The following SMARCD3 variants were observed in gnomAD, a reference collection of about 807,000 sequenced individuals.
SMARCD3 encodes the protein SWI/SNF related BAF chromatin remodeling complex subunit D3.
In SMARCD3, 14 loss-of-function variants were observed where a neutral mutation model predicts 58.0. The observed-to-expected ratio is 0.24, with a 90% CI of 0.16 to 0.38. The LOEUF is 0.38. Ranked by LOEUF, SMARCD3 falls within the 10% of genes least tolerant of loss-of-function variation. The pLI, the probability that SMARCD3 is intolerant of heterozygous loss-of-function variation, is 1.00. For synonymous variants in SMARCD3, 253 were observed against 253.8 expected, an observed-to-expected ratio of 1.00 and a Z score of 0.03; for missense variants, 408 against 636.9, an observed-to-expected ratio of 0.64 and a Z score of 3.87.
chr7:151,265,538 C>T (rs1804053598), intron 2 of SMARCD3, among the ~76,000 whole-genome samples: 1 of 152,204 alleles, frequency 6.6e-6, no homozygotes. Flanking sequence ...TCAGGACTCC[C>T]AGGGCGGTCA....
Position 151,245,612 on chromosome 7 carries a change from CG to C in SMARCD3, c.137del (p.Pro46ArgfsTer102), listed in dbSNP as rs1327465945. The C allele has an allele frequency of 3.6e-5, 40 of 1,105,934 alleles. No individual in the cohort carries two copies. The highest frequency in any genetic ancestry group is 4.3e-5 in the Non-Finnish European group (39 of 898,178). The allele number at this position is 1,105,934 out of a possible 1,614,324, so 68.5% of individuals were successfully genotyped here. On this transcript the variant is annotated frameshift_variant, in exon 2 of 13. Transcript: ENST00000262188. LOFTEE classifies it high-confidence loss of function. The surrounding 1 kb of genome is among the most constrained non-coding windows in gnomAD (Gnocchi z 6.2). Reference sequence around the variant, plus strand: ...CGGGGCTGCCCATGTACGGGGAGCCCGGGGGGCCCATGGGCGCCCCCTGGTG... The same window carrying C: ...CGGGGCTGCCCATGTACGGGGAGCCCGGGGGCCCATGGGCGCCCCCTGGTG... ...MPHQGAPMGP[P>X]GSPYMGSPAV...
chr7:151,239,516 T>G lies in SMARCD3; in HGVS notation c.1297-19A>C. ...TCATCACCTGGGAGGGAGCGTGGGG[T>G]GAGCCCTGAGCCCTGAATCCCCTCA... On this transcript the variant is annotated intron_variant, in intron 11 of 12. Transcript: ENST00000262188. This position sits in a 1 kb window ranked among gnomAD's most constrained non-coding sequence, Gnocchi z 7.0. 1 of 1,609,266 alleles carries G rather than the reference T, an allele frequency of 6.2e-7. No individual in the cohort carries two copies. Among genetic ancestry groups the G allele is most frequent in the Non-Finnish European group, 8.5e-7 (1 of 1,176,046 alleles).
rs879553158 is a variant in SMARCD3, at chr7:151,241,918, G to T, written c.736C>A (p.Leu246Met). The change falls in exon 7 of 13, where the codon CTG becomes ATG. Residue 246 changes from leucine to methionine, a missense_variant. Leu to Met is a conservative substitution (Grantham distance 15). Transcript: ENST00000262188. The surrounding 1 kb of genome is among the most constrained non-coding windows in gnomAD (Gnocchi z 5.3). ...DGFQVKRPGD[L>M]SVRCTLLLML... ...AGGAGCAGCGTGCAGCGCACACTCA[G>T]GTCCCCAGGCCGTTTCACCTGGAAG... 1.2e-6 allele frequency: 2 copies of T among 1,612,962 alleles called. No individual in the cohort carries two copies. Among genetic ancestry groups the T allele is most frequent in the Non-Finnish European group, 1.7e-6 (2 of 1,179,588 alleles).
At chr7:151,266,039 G>A (rs565125254) in intron 2 of SMARCD3, among the ~76,000 whole-genome samples, 47 of 152,012 alleles carry the variant, frequency 3.1e-4, no homozygotes, top group African/African-American at 1.0e-3. Flanking sequence ...GCGTGATCTC[G>A]GCTCACGGCA....
At chr7:151,271,135 C>T (rs903034783) in intron 2 of SMARCD3, among the ~76,000 whole-genome samples, 7 of 152,120 alleles carry the variant, frequency 4.6e-5, no homozygotes, top group Admixed American at 4.6e-4. Context: ...CCCTGGCCCT[C>T]TCCCCACCCT....
rs1795300784 is a variant in SMARCD3 at position 151,275,075 on chromosome 7, A to G, written c.39+39T>C. On this transcript the variant is annotated intron_variant, in intron 2 of 13. Coordinates refer to the SMARCD3 transcript ENST00000356800. ...TGGCCGACTCGCCATGGGGCCCCAG[A>G]GCTTCTGCTCCTGGGCTGGCAGGGG... 3.1e-6 allele frequency: 5 copies of G among 1,591,352 alleles called. No individual in the cohort carries two copies. The South Asian group carries it at 4.5e-5, about 14-fold the overall frequency.
intron 2 of SMARCD3, among the ~76,000 whole-genome samples, chr7:151,272,924 G>GGGT (rs1428620998): frequency 6.6e-6 from 1 of 152,170 alleles, no homozygotes; most frequent in African/African-American, 2.4e-5. Flanking sequence ...CATCCCCGAT[G>GGGT]GGTGGCTCAG....
rs1203898618 is a variant in SMARCD3 at position 151,243,401 on chromosome 7, C to A, written c.333+258G>T. ...GCTTCTGATCCCCTAGCTCTTGCCC[C>A]CTCCTGGTCCCACAGCTCTATAGTA... On this transcript the variant is annotated intron_variant, in intron 3 of 12. Transcript: ENST00000262188. This position sits in a 1 kb window ranked among gnomAD's most constrained non-coding sequence, Gnocchi z 4.4. Among the ~76,000 whole-genome samples, 2 of 152,202 alleles carry A rather than the reference C, an allele frequency of 1.3e-5. No homozygotes were observed. Among genetic ancestry groups the A allele is most frequent in the East Asian group, 3.8e-4 (2 of 5,196 alleles).
upstream of SMARCD3, among the ~76,000 whole-genome samples, chr7:151,251,074 T>C (rs1584880050): frequency 6.6e-6 from 1 of 151,970 alleles, no homozygotes; most frequent in South Asian, 2.1e-4. Flanking sequence ...GCAGAGGAGA[T>C]GCTGGGCACT....
Position 151,248,377 on chromosome 7 carries a change from A to T in SMARCD3, c.78+108T>A. The T allele has an allele frequency of 1.0e-6, 1 of 955,738 alleles. No homozygotes were observed. Among genetic ancestry groups the T allele is most frequent in the Non-Finnish European group, 1.6e-6 (1 of 609,656 alleles). 59.2% of individuals were successfully genotyped at this position (955,738 alleles called of 1,614,324 possible). A position where few individuals can be genotyped will look rare whatever the true frequency, so the allele number is the denominator to read the frequency against. Reference sequence around the variant, plus strand: ...CGGGCCGTGGGCCATGACGCCCCCCACTAGAGGGGTGGGAGAGCGGGAGCG... The same window carrying T: ...CGGGCCGTGGGCCATGACGCCCCCCTCTAGAGGGGTGGGAGAGCGGGAGCG... On this transcript the variant is annotated intron_variant, in intron 1 of 12. Transcript: ENST00000262188. This position sits in a 1 kb window ranked among gnomAD's most constrained non-coding sequence, Gnocchi z 6.1.
At chr7:151,260,287 A>C (rs1049204684) in intron 2 of SMARCD3, among the ~76,000 whole-genome samples, 1 of 148,670 alleles carries the variant, frequency 6.7e-6, no homozygotes, top group Non-Finnish European at 1.5e-5. Context: ...TAAAGAAGGA[A>C]ATCAAGATCC....
chr7:151,252,306 G>A (rs1406470988), upstream of SMARCD3, among the ~76,000 whole-genome samples: 2 of 152,036 alleles, frequency 1.3e-5, no homozygotes, highest in Non-Finnish European at 2.9e-5. Context: ...GAGACTGGAG[G>A]GAGAACGGAT....
chr7:151,271,459 A>G (rs780058992), intron 2 of SMARCD3, among the ~76,000 whole-genome samples: 2 of 152,028 alleles, frequency 1.3e-5, no homozygotes, highest in Admixed American at 6.5e-5. Flanking sequence ...CCATGGGTTC[A>G]GGACCTGTGG....
At position 151,239,783 on chromosome 7, in the gene SMARCD3, T is replaced by G; in HGVS notation, c.1174-37A>C. On this transcript the variant is annotated intron_variant, in intron 10 of 12. Transcript: ENST00000262188. This position sits in a 1 kb window ranked among gnomAD's most constrained non-coding sequence, Gnocchi z 7.0. The stretch of plus-strand genomic sequence containing the variant: ...AAGATAGATGCTTTCCACCTGGCTT[T>G]GGTGATGTGGGAGACGAGGGGAAAG... 1 of 1,606,308 alleles carries G rather than the reference T, an allele frequency of 6.2e-7. No homozygotes were observed. Among genetic ancestry groups the G allele is most frequent in the Non-Finnish European group, 8.5e-7 (1 of 1,175,366 alleles).
At chr7:151,251,298 C>T (rs551104246), upstream of SMARCD3, among the ~76,000 whole-genome samples, 53 of 152,206 alleles carry the variant, frequency 3.5e-4, no homozygotes, top group African/African-American at 1.2e-3. Flanking sequence ...ATAGATACAC[C>T]TTGCACACAC....
intron 2 of SMARCD3, among the ~76,000 whole-genome samples, chr7:151,265,230 C>T (rs1804044321): frequency 6.6e-6 from 1 of 152,166 alleles, no homozygotes; most frequent in Non-Finnish European, 1.5e-5. Context: ...AGGGTGGGCC[C>T]TCATCCAATA....
chr7:151,260,228 G>A (rs1287712989), intron 2 of SMARCD3, among the ~76,000 whole-genome samples: 1 of 152,074 alleles, frequency 6.6e-6, no homozygotes, highest in Non-Finnish European at 1.5e-5. Context: ...TGGGGGTAGT[G>A]ACAGACTAAC....
chr7:151,273,871 C>T (rs1158444743), intron 2 of SMARCD3, among the ~76,000 whole-genome samples: 1 of 152,228 alleles, frequency 6.6e-6, no homozygotes, highest in Non-Finnish European at 1.5e-5. Flanking sequence ...CTGCACCTCA[C>T]TGGAGGAGGA....
At chr7:151,253,207 A>G (rs1803584447), upstream of SMARCD3, among the ~76,000 whole-genome samples, 1 of 152,144 alleles carries the variant, frequency 6.6e-6, no homozygotes, top group Admixed American at 6.5e-5. Context: ...ACCCGCACCG[A>G]GTGAGTGGGG....
Sources: allele counts gnomAD v4.1 joint callset (sites outside exome capture counted in the v4.1 genomes callset), GRCh38; gene constraint gnomAD v4.1.1; non-coding constraint Gnocchi (gnomAD v3.1); transcripts MANE v1.5; gene names NCBI Gene and HGNC (gene_info 2026-07-23, HGNC 2026-07-21).